DAB1: variants seen among roughly 807,000 people sequenced by gnomAD.
The protein encoded by DAB1 is disabled homolog 1.
DAB1 carries 15 observed loss-of-function variants against 64.6 expected under a neutral mutation model. The ratio of observed to expected loss-of-function variants is 0.23; its 90% CI spans 0.16 to 0.36. DAB1 has a LOEUF of 0.36. DAB1 is among the 10% of genes least tolerant of loss of function. The probability of loss-of-function intolerance (pLI) is 1.00; values close to 1 mark genes in which losing one functional copy is unlikely to be tolerated. For missense variants in DAB1, 596 were observed against 706.7 expected, an observed-to-expected ratio of 0.84 and a Z score of 1.78; for synonymous variants, 235 against 251.9, an observed-to-expected ratio of 0.93 and a Z score of 0.64.
At chr1:57,250,579 A>G (rs1362103279) in intron 2 of DAB1, among the ~76,000 whole-genome samples, 1 of 152,196 alleles carries the variant, frequency 6.6e-6, no homozygotes, top group Non-Finnish European at 1.5e-5. Flanking sequence ...AATGTATTTA[A>G]AATAAATTAA....
intron 9 of DAB1, among the ~76,000 whole-genome samples, chr1:57,032,501 T>A (rs1386949776): frequency 1.3e-5 from 2 of 152,118 alleles, no homozygotes; most frequent in Non-Finnish European, 2.9e-5. Flanking sequence ...AGGACGCAAA[T>A]TAGAAGGCTT....
At chr1:57,427,449 A>G (rs1013585769), upstream of DAB1, among the ~76,000 whole-genome samples, 13 of 152,220 alleles carry the variant, frequency 8.5e-5, no homozygotes, top group Non-Finnish European at 4.4e-5. Flanking sequence ...AACTATGCAC[A>G]TGATTTTCAA....
intron 3 of DAB1, among the ~76,000 whole-genome samples, chr1:58,420,913 C>T (rs1344529666): frequency 6.6e-6 from 1 of 152,166 alleles, no homozygotes; most frequent in Non-Finnish European, 1.5e-5. Flanking sequence ...CCCTGGTATG[C>T]CAAGTGCTTT....
chr1:57,610,581 G>A (rs935840734), intron 7 of DAB1, among the ~76,000 whole-genome samples: 5 of 152,126 alleles, frequency 3.3e-5, no homozygotes, highest in Non-Finnish European at 7.4e-5. Flanking sequence ...CCAAGACTGG[G>A]TAATTTATAA....
intron 1 of DAB1, among the ~76,000 whole-genome samples, chr1:58,539,796 T>C (rs1646575896): frequency 6.6e-6 from 1 of 152,146 alleles, no homozygotes; most frequent in Non-Finnish European, 1.5e-5. Context: ...TGGAGAGTGC[T>C]TCCAGGCCAC....
chr1:58,533,431 G>C (rs997650620), intron 1 of DAB1, among the ~76,000 whole-genome samples: 2 of 151,874 alleles, frequency 1.3e-5, no homozygotes, highest in Non-Finnish European at 2.9e-5. Context: ...TTATGAATGG[G>C]AAGCCACATA....
At chr1:57,647,458 CT>C (rs1212078545) in intron 7 of DAB1, among the ~76,000 whole-genome samples, 1 of 152,098 alleles carries the variant, frequency 6.6e-6, no homozygotes, top group Non-Finnish European at 1.5e-5. Flanking sequence ...TACTTATTTT[CT>C]TTTTCCCCAA....
chr1:57,043,634 G>A (rs1040929790), intron 9 of DAB1, among the ~76,000 whole-genome samples: 10 of 152,168 alleles, frequency 6.6e-5, no homozygotes, highest in Admixed American at 2.0e-4. Flanking sequence ...ATCACCTGAG[G>A]TCAGGAGTTT....
At chr1:57,850,946 T>C (rs756349985) in intron 1 of DAB1, among the ~76,000 whole-genome samples, 10 of 152,186 alleles carry the variant, frequency 6.6e-5, no homozygotes, top group Non-Finnish European at 1.2e-4. Flanking sequence ...CAGTTTTCCT[T>C]CCACCCCCTG....
At chr1:58,105,185 GTCACAGAACAGT>G (rs1476354440) in intron 5 of DAB1, among the ~76,000 whole-genome samples, 1 of 152,186 alleles carries the variant, frequency 6.6e-6, no homozygotes, top group Admixed American at 6.5e-5. Flanking sequence ...GAGTCTAAAG[GTCACAGAACAGT>G]TCCTCGTTTT....
chr1:57,904,578 A>T (rs1470965010), intron 5 of DAB1, among the ~76,000 whole-genome samples: 1 of 152,198 alleles, frequency 6.6e-6, no homozygotes, highest in Non-Finnish European at 1.5e-5. Flanking sequence ...CTACCCCTTG[A>T]GGTACATGGT....
At chr1:58,097,462 T>C (rs958956575) in intron 5 of DAB1, among the ~76,000 whole-genome samples, 1 of 152,058 alleles carries the variant, frequency 6.6e-6, no homozygotes, top group Non-Finnish European at 1.5e-5. Context: ...TCCAGGAAGG[T>C]TGAAAACAGG....
At chr1:57,378,663 T>G (rs1442818833) in intron 1 of DAB1, among the ~76,000 whole-genome samples, 1 of 152,202 alleles carries the variant, frequency 6.6e-6, no homozygotes, top group Non-Finnish European at 1.5e-5. Flanking sequence ...ACTTGGATGA[T>G]CCGTGCCCAA....
chr1:58,158,357 C>T (rs116489507), intron 4 of DAB1, among the ~76,000 whole-genome samples: 7,846 of 152,186 alleles, frequency 0.052, 241 homozygotes, highest in Admixed American at 0.079. Context: ...GAGATAAATT[C>T]AAAGGATGAT....
At chr1:58,166,196 G>A (rs1202311327) in intron 4 of DAB1, among the ~76,000 whole-genome samples, 4 of 152,118 alleles carry the variant, frequency 2.6e-5, no homozygotes, top group Non-Finnish European at 5.9e-5. Flanking sequence ...AAATTTACTG[G>A]TTTTAAGTGT....
intron 5 of DAB1, among the ~76,000 whole-genome samples, chr1:57,914,241 T>C (rs1189086415): frequency 6.6e-6 from 1 of 152,124 alleles, no homozygotes; most frequent in Non-Finnish European, 1.5e-5. Context: ...GTGGCACATA[T>C]ACACATGGAA....
intron 6 of DAB1, among the ~76,000 whole-genome samples, chr1:57,667,995 C>T (rs926584435): frequency 1.3e-5 from 2 of 151,764 alleles, no homozygotes; most frequent in South Asian, 2.1e-4. Flanking sequence ...TATACCTACA[C>T]GTTCTGCACA....
chr1:57,990,776 G>A (rs1646324933), intron 5 of DAB1, among the ~76,000 whole-genome samples: 1 of 152,158 alleles, frequency 6.6e-6, no homozygotes, highest in African/African-American at 2.4e-5. Context: ...GACAGAGGGT[G>A]GCAGACTCTC....
At chr1:57,805,127 C>A (rs1320775110) in intron 6 of DAB1, among the ~76,000 whole-genome samples, 1 of 152,180 alleles carries the variant, frequency 6.6e-6, no homozygotes, top group Non-Finnish European at 1.5e-5. Flanking sequence ...GTTTGCACAT[C>A]CCCACTGGTG....
Sources: allele counts gnomAD v4.1 joint callset (sites outside exome capture counted in the v4.1 genomes callset), GRCh38; gene constraint gnomAD v4.1.1; transcripts MANE v1.5; gene names NCBI Gene and HGNC (gene_info 2026-07-23, HGNC 2026-07-21).